Variants in DUSP13B observed in about 807,000 individuals in gnomAD.
The protein encoded by DUSP13B is dual specificity phosphatase 13B.
chr10:75,108,942 G>C, the DUSP13B span: 1 of 1,534,044 alleles, frequency 6.5e-7, no homozygotes, highest in Admixed American at 1.9e-5. Context: ...TCCTGTGTCT[G>C]GTAAAGCGAC....
the DUSP13B span, chr10:75,101,842 C>G: frequency 7.4e-7 from 1 of 1,360,196 alleles, no homozygotes; most frequent in African/African-American, 1.5e-5. Context: ...ATCCTACCCC[C>G]CCCAAATTAG....
At chr10:75,094,606 G>A in the DUSP13B span, 3 of 1,542,840 alleles carry the variant, frequency 1.9e-6, no homozygotes, top group Non-Finnish European at 2.6e-6. Context: ...AGAAACAGCA[G>A]AGCCTGCTGT....
chr10:75,107,948 A>G, the DUSP13B span: 6 of 1,567,334 alleles, frequency 3.8e-6, no homozygotes. Context: ...CATCCTCCCC[A>G]TGAATGAGCA....
At chr10:75,104,148 C>G in the DUSP13B span, 2 of 1,265,210 alleles carry the variant, frequency 1.6e-6, no homozygotes, top group South Asian at 2.5e-5. Context: ...AAGGCCCAGG[C>G]TGGCTGGGAC....
the DUSP13B span, among the ~76,000 whole-genome samples, chr10:75,097,112 G>A: frequency 1.6e-4 from 24 of 152,274 alleles, 2 homozygotes; most frequent in East Asian, 4.0e-3. Context: ...ATAATGAGAA[G>A]GATTCAGTAG....
At chr10:75,095,796 C>A in the DUSP13B span, 119 of 1,613,888 alleles carry the variant, frequency 7.4e-5, no homozygotes, top group Non-Finnish European at 9.1e-5. Context: ...GGCTGCGTAC[C>A]TGGAGGAGAG....
At chr10:75,109,079 G>A in the DUSP13B span, 1 of 1,612,364 alleles carries the variant, frequency 6.2e-7, no homozygotes, top group Non-Finnish European at 8.5e-7. Context: ...GCCCGCAGGA[G>A]CTCCTCCAGC....
the DUSP13B span, among the ~76,000 whole-genome samples, chr10:75,101,347 T>G: frequency 1.3e-5 from 2 of 152,220 alleles, no homozygotes; most frequent in Non-Finnish European, 2.9e-5. Context: ...CACGTCTTAC[T>G]ATTATTATCA....
chr10:75,099,032 C>G, the DUSP13B span: 1 of 1,232,502 alleles, frequency 8.1e-7, no homozygotes, highest in Non-Finnish European at 1.0e-6. Context: ...CCTCCTTACC[C>G]CCACGACTCA....
At chr10:75,107,841 T>C in the DUSP13B span, 9 of 991,166 alleles carry the variant, frequency 9.1e-6, no homozygotes, top group Admixed American at 2.8e-5. Flanking sequence ...CCTCCCAAAG[T>C]GCTAGGATTA....
the DUSP13B span, chr10:75,095,693 G>A: frequency 6.2e-7 from 1 of 1,614,240 alleles, no homozygotes; most frequent in Middle Eastern, 1.6e-4. Flanking sequence ...ACATTCCACG[G>A]TAGAATTTGG....
chr10:75,095,498 C>T, the DUSP13B span: 1 of 1,346,022 alleles, frequency 7.4e-7, no homozygotes, highest in Admixed American at 1.8e-5. Flanking sequence ...GGACTCCCAC[C>T]CACCAGTGCT....
chr10:75,108,765 GT>G, the DUSP13B span, among the ~76,000 whole-genome samples: 1 of 152,094 alleles, frequency 6.6e-6, no homozygotes, highest in African/African-American at 2.4e-5. Context: ...TCCTGGAAAT[GT>G]TTCCTGGAAC....
At chr10:75,100,248 C>T in the DUSP13B span, among the ~76,000 whole-genome samples, 1 of 152,162 alleles carries the variant, frequency 6.6e-6, no homozygotes, top group African/African-American at 2.4e-5. Flanking sequence ...CCTCTGCCTC[C>T]GAGGGGACCT....
the DUSP13B span, chr10:75,107,874 G>C: frequency 8.0e-7 from 1 of 1,250,548 alleles, no homozygotes; most frequent in Middle Eastern, 2.7e-4. Context: ...ACCACACACG[G>C]CCTAAGCAGA....
chr10:75,108,092 G>T, the DUSP13B span: 16 of 1,613,888 alleles, frequency 9.9e-6, no homozygotes, highest in Non-Finnish European at 1.4e-5. Context: ...CCCCCAGGTA[G>T]CTCACACTGC....
the DUSP13B span, chr10:75,097,661 T>C: frequency 1.6e-5 from 24 of 1,465,856 alleles, no homozygotes; most frequent in Non-Finnish European, 2.2e-5. Flanking sequence ...CATTCCCGTG[T>C]GAACCTCACA....
chr10:75,107,886 G>A, the DUSP13B span: 4 of 1,341,794 alleles, frequency 3.0e-6, no homozygotes, highest in African/African-American at 1.5e-5. Context: ...CTAAGCAGAG[G>A]ATTTTTAAAA....
chr10:75,097,295 G>A, the DUSP13B span, among the ~76,000 whole-genome samples: 8 of 151,808 alleles, frequency 5.3e-5, no homozygotes, highest in Non-Finnish European at 1.2e-4. Flanking sequence ...TGCAACCTCT[G>A]CCTCCTGGAT....
Sources: gnomAD v4.1 joint callset for allele counts (sites outside exome capture counted in the v4.1 genomes callset) on GRCh38, gnomAD v4.1.1 for gene constraint, MANE v1.5 for transcripts, NCBI Gene and HGNC (gene_info 2026-07-23, HGNC 2026-07-21) for gene names.